Variants in THEMIS observed in about 807,000 individuals in gnomAD.
THEMIS encodes the protein protein THEMIS.
THEMIS carries 37 observed loss-of-function variants against 52.6 expected under a neutral mutation model. That is an observed-to-expected ratio of 0.70 (90% CI 0.54 to 0.93). THEMIS has a LOEUF of 0.93. Ranked by LOEUF, THEMIS falls within the 40% of genes least tolerant of loss-of-function variation. The pLI, the probability that THEMIS is intolerant of heterozygous loss-of-function variation, is 0.00. For synonymous variants in THEMIS, 292 were observed against 272.7 expected (o/e 1.07, Z -0.70); for missense variants, 808 against 763.1 (o/e 1.06, Z -0.69).
At chr6:127,748,366 A>G (rs562632681) in intron 4 of THEMIS, among the ~76,000 whole-genome samples, 1 of 152,134 alleles carries the variant, frequency 6.6e-6, no homozygotes, top group Admixed American at 6.6e-5. Context: ...GAAAGGGGGA[A>G]GTGGGCACGT....
intron 1 of THEMIS, among the ~76,000 whole-genome samples, chr6:127,897,918 A>G (rs1391397792): frequency 2.0e-5 from 3 of 151,706 alleles, no homozygotes; most frequent in African/African-American, 7.2e-5. Context: ...ATTGTAGTAT[A>G]TTCATCTAAT....
chr6:127,837,746 A>G (rs973613706), intron 2 of THEMIS, among the ~76,000 whole-genome samples: 2 of 152,048 alleles, frequency 1.3e-5, no homozygotes, highest in African/African-American at 4.8e-5. Context: ...TTAACTTGAT[A>G]TATATACAGA....
At chr6:127,782,469 C>T (rs1239936239) in intron 4 of THEMIS, among the ~76,000 whole-genome samples, 1 of 152,172 alleles carries the variant, frequency 6.6e-6, no homozygotes, top group Non-Finnish European at 1.5e-5. Flanking sequence ...GTTGCGAAGA[C>T]CATGGGAAAA....
chr6:127,915,895 G>A (rs1211631854), intron 1 of THEMIS, among the ~76,000 whole-genome samples: 1 of 152,180 alleles, frequency 6.6e-6, no homozygotes, highest in Non-Finnish European at 1.5e-5. Context: ...GCTGAGGCAG[G>A]AGAATCGTTT....
rs1307256677 is a variant in THEMIS, at chr6:127,813,595, A to T, written c.1046T>A (p.Phe349Tyr). 5.0e-6 allele frequency: 8 copies of T among 1,613,894 alleles called. No homozygotes were observed. Among genetic ancestry groups the T allele is most frequent in the Non-Finnish European group, 6.8e-6 (8 of 1,179,998 alleles). Reference protein sequence around the residue: ...KGKFKRRPREFPTAYDLEIAK... With the variant: ...KGKFKRRPREYPTAYDLEIAK... ...GATCTCTAGGTCATAGGCCGTTGGG[A>T]ACTCCCTCGGTCGCCGCTTGAACTT... Residue 349 changes from phenylalanine (F) to tyrosine (Y), a missense_variant, in exon 4 of 6, where the codon TTC (phenylalanine) becomes TAC (tyrosine). Coordinates refer to ENST00000368248, the MANE Select transcript of THEMIS (RefSeq NM_001010923.3).
chr6:127,867,753 T>G (rs1202029680), intron 1 of THEMIS, among the ~76,000 whole-genome samples: 2 of 152,156 alleles, frequency 1.3e-5, no homozygotes, highest in African/African-American at 2.4e-5. Flanking sequence ...CATGTATATT[T>G]CATTATTTAA....
At chr6:127,732,378 T>C (rs1774843749) in intron 4 of THEMIS, among the ~76,000 whole-genome samples, 1 of 152,192 alleles carries the variant, frequency 6.6e-6, no homozygotes. Flanking sequence ...CTCTTTTGCT[T>C]ATAAGTACAA....
At chr6:127,769,375 T>A (rs935059297) in intron 4 of THEMIS, among the ~76,000 whole-genome samples, 2 of 151,472 alleles carry the variant, frequency 1.3e-5, no homozygotes, top group Non-Finnish European at 2.9e-5. Flanking sequence ...GTTTTTAGTA[T>A]CTTGCTTGGC....
At chr6:127,739,681 C>A (rs530189801) in intron 4 of THEMIS, among the ~76,000 whole-genome samples, 8 of 152,230 alleles carry the variant, frequency 5.3e-5, no homozygotes, top group African/African-American at 1.9e-4. Flanking sequence ...TTATTTCCAG[C>A]TGCCTTTGAG....
rs1778007211 is a variant in THEMIS at position 127,813,505 on chromosome 6, T to C, written c.1136A>G (p.Lys379Arg). ...ATKAFHSPHD[K>R]LSSVSVGDQF... ...GTCCCCAACAGATACGGATGACAGC[T>C]TGTCATGAGGGGAATGAAACGCTTT... Residue 379 changes from lysine (K) to arginine (R), a missense_variant, in exon 4 of 6, where the codon AAG (lysine) becomes AGG (arginine). Lys to Arg is a conservative substitution (Grantham distance 26, BLOSUM62 2). Transcript: ENST00000368248. 8.1e-6 allele frequency: 13 copies of C among 1,613,890 alleles called. No individual in the cohort carries two copies. The highest frequency in any genetic ancestry group is 1.0e-5 in the Non-Finnish European group (12 of 1,179,944).
chr6:127,730,921 T>C (rs988555887), intron 4 of THEMIS, among the ~76,000 whole-genome samples: 7 of 152,208 alleles, frequency 4.6e-5, no homozygotes, highest in Non-Finnish European at 8.8e-5. Context: ...TTAATACTAA[T>C]ACATCTTTAA....
chr6:127,739,381 C>T (rs1169822251), intron 4 of THEMIS, among the ~76,000 whole-genome samples: 2 of 152,204 alleles, frequency 1.3e-5, no homozygotes, highest in African/African-American at 4.8e-5. Flanking sequence ...GGCCCAGTGG[C>T]TCACACTTGT....
chr6:127,752,273 A>G (rs563317875), intron 4 of THEMIS, among the ~76,000 whole-genome samples: 2 of 151,500 alleles, frequency 1.3e-5, no homozygotes, highest in African/African-American at 2.4e-5. Context: ...GAATAAGACA[A>G]GCCCAAAGTT....
chr6:127,720,405 G>C (rs559894634), intron 4 of THEMIS, among the ~76,000 whole-genome samples: 1 of 151,906 alleles, frequency 6.6e-6, no homozygotes, highest in Non-Finnish European at 1.5e-5. Flanking sequence ...TCACATGTAA[G>C]AGATGTCACA....
chr6:127,880,506 C>A (rs149484709), intron 1 of THEMIS, among the ~76,000 whole-genome samples: 1,823 of 148,240 alleles, frequency 0.012, 16 homozygotes, highest in Non-Finnish European at 0.016. Flanking sequence ...TTTCAGGAGT[C>A]CTGAGGAAAA....
chr6:127,773,415 A>T (rs1277306332), intron 4 of THEMIS, among the ~76,000 whole-genome samples: 1 of 151,190 alleles, frequency 6.6e-6, no homozygotes, highest in Non-Finnish European at 1.5e-5. Flanking sequence ...AGTTTTTACC[A>T]TTAAAATTAG....
At chr6:127,774,941 C>T (rs1040986747) in intron 4 of THEMIS, among the ~76,000 whole-genome samples, 1 of 152,094 alleles carries the variant, frequency 6.6e-6, no homozygotes, top group African/African-American at 2.4e-5. Context: ...TTCCACCTTA[C>T]GATGAGGAGA....
At chr6:127,731,864 A>ATTTTTTTTTTTT (rs58263706) in intron 4 of THEMIS, among the ~76,000 whole-genome samples, 514 of 41,676 alleles carry the variant, frequency 0.012, 108 homozygotes, top group African/African-American at 0.045. Context: ...TGCCCGGCTA[A>ATTTTTTTTTTTT]TTTTTTTTTT....
chr6:127,743,213 C>G (rs927116642), intron 4 of THEMIS, among the ~76,000 whole-genome samples: 2 of 152,070 alleles, frequency 1.3e-5, no homozygotes, highest in Non-Finnish European at 2.9e-5. Flanking sequence ...AATGATATCT[C>G]AGATACAGTG....
Sources: allele counts gnomAD v4.1 joint callset (sites outside exome capture counted in the v4.1 genomes callset), GRCh38; gene constraint gnomAD v4.1.1; transcripts MANE v1.5; gene names NCBI Gene and HGNC (gene_info 2026-07-23, HGNC 2026-07-21).